The following ZNF527 variants were observed in gnomAD, a reference collection of about 807,000 sequenced individuals.
ZNF527 encodes zinc finger protein 527.
In ZNF527, 5 loss-of-function variants were observed where a neutral mutation model predicts 13.5. That is an observed-to-expected ratio of 0.37 (90% confidence interval 0.19 to 0.78). ZNF527 has a LOEUF of 0.78. ZNF527 is among the 30% of genes least tolerant of loss of function. The probability of loss-of-function intolerance (pLI) is 0.48; values close to 1 mark genes in which losing one functional copy is unlikely to be tolerated. For synonymous variants in ZNF527, 209 were observed against 243.1 expected (o/e 0.86, Z 1.30); for missense variants, 628 against 726.4 (o/e 0.86, Z 1.56).
At chr19:37,381,988 T>C (rs1382478752) in intron 4 of ZNF527, among the ~76,000 whole-genome samples, 3 of 152,206 alleles carry the variant, frequency 2.0e-5, no homozygotes, top group Non-Finnish European at 1.5e-5. Flanking sequence ...CAATGAATCA[T>C]TATGTTTCTC....
intron 4 of ZNF527, chr19:37,384,886 A>G: frequency 1.4e-6 from 1 of 700,230 alleles, no homozygotes; most frequent in East Asian, 2.7e-5. Flanking sequence ...TCTGTTGCCC[A>G]GGCTGGAGTG....
At position 37,390,276 on chromosome 19, in the gene ZNF527, G is replaced by A. The variant is rs1200135385; in HGVS notation, c.*397G>A. The A allele has an allele frequency of 1.2e-5, 2 of 172,874 alleles. No individual in the cohort carries two copies. Among genetic ancestry groups the A allele is most frequent in the African/African-American group, 2.4e-5 (1 of 41,576 alleles). 10.7% of individuals were successfully genotyped at this position (172,874 alleles called of 1,614,324 possible). On this transcript the variant is annotated 3_prime_UTR_variant, in exon 5 of 5. Coordinates refer to ENST00000436120, the MANE Select transcript of ZNF527 (RefSeq NM_032453.2). ...ACTCCTGACTTTAGGTGATCCACAC[G>A]CCTCAGACTCCCAAAGTGCTGGGAT...
chr19:37,377,023 T>C (rs1190507031), intron 2 of ZNF527, among the ~76,000 whole-genome samples: 1 of 152,170 alleles, frequency 6.6e-6, no homozygotes. Flanking sequence ...GTATTTCTGG[T>C]GGATAACACT....
chr19:37,374,079 C>T, intron 1 of ZNF527, 79 bp from the exon 2 acceptor site: 2 of 904,966 alleles, frequency 2.2e-6, no homozygotes, highest in Non-Finnish European at 3.6e-6. Context: ...AAGAAAGGGG[C>T]AGTAGTATTT....
At chr19:37,375,981 CAA>C (rs1410788482) in intron 2 of ZNF527, among the ~76,000 whole-genome samples, 1 of 152,158 alleles carries the variant, frequency 6.6e-6, no homozygotes, top group Non-Finnish European at 1.5e-5. Flanking sequence ...ATATTCTTGA[CAA>C]GAGCTACTTC....
chr19:37,375,082 G>A (rs1459956101), intron 2 of ZNF527, among the ~76,000 whole-genome samples: 1 of 152,110 alleles, frequency 6.6e-6, no homozygotes, highest in African/African-American at 2.4e-5. Context: ...TACATGAATG[G>A]GCATCCCATT....
intron 1 of ZNF527, 26 bp downstream of exon 1, chr19:37,371,252 G>C (rs2040553632): frequency 6.6e-6 from 1 of 152,520 alleles, no homozygotes; most frequent in Non-Finnish European, 1.5e-5. Context: ...CCCCGGGCGG[G>C]AGCGGGAAGT....
At chr19:37,386,952 G>A (rs762610032) in intron 4 of ZNF527, among the ~76,000 whole-genome samples, 26 of 148,260 alleles carry the variant, frequency 1.8e-4, no homozygotes, top group Non-Finnish European at 3.5e-4. Flanking sequence ...AAGGACAGGC[G>A]AACAAGGCCT....
Position 37,391,603 on chromosome 19 carries a change from A to G in ZNF527, c.*1724A>G, listed in dbSNP as rs899910893. ...AAAAAAAAAAAAAATAAATAAATAA[A>G]TAAATAAATAAATTTGGTTTAAGAA... On this transcript the variant is annotated 3_prime_UTR_variant, in exon 5 of 5. Transcript: ENST00000436120. 6.6e-6 allele frequency: 1 copy of G among 151,486 alleles called. No homozygotes were observed. The highest frequency in any genetic ancestry group is 1.5e-5 in the Non-Finnish European group (1 of 67,896). The allele number at this position is 151,486 out of a possible 1,614,324, so 9.4% of individuals were successfully genotyped here. A position where few individuals can be genotyped will look rare whatever the true frequency, so the allele number is the denominator to read the frequency against.
intron 4 of ZNF527, among the ~76,000 whole-genome samples, chr19:37,386,685 G>C (rs2040702750): frequency 6.6e-6 from 1 of 152,208 alleles, no homozygotes; most frequent in Non-Finnish European, 1.5e-5. Context: ...TGTAAAGATA[G>C]TGGTTGGAGC....
At position 37,388,332 on chromosome 19, in the gene ZNF527, G is replaced by T; in HGVS notation, c.283G>T (p.Glu95Ter). 1.2e-6 allele frequency: 2 copies of T among 1,613,464 alleles called. No individual in the cohort carries two copies. The highest frequency in any genetic ancestry group is 1.7e-6 in the Non-Finnish European group (2 of 1,179,632). Reference protein sequence around the residue: ...ADWESWCEIEELSPKWFIDED... With the variant: ...ADWESWCEIE ...CTGGGAGTCTTGGTGTGAAATTGAG[G>T]AATTATCTCCAAAATGGTTCATTGA... is the stretch of plus-strand genomic sequence containing the variant. Residue 95 changes from glutamate (E) to a stop codon, truncating the protein, a stop_gained, in exon 5 of 5, where the codon GAA (glutamate) becomes TAA (stop). Transcript: ENST00000436120. LOFTEE classifies it low-confidence loss of function (END_TRUNC).
chr19:37,388,868 C>T lies in ZNF527; in HGVS notation c.819C>T (p.Pro273=). 1 of 1,614,150 alleles carries T rather than the reference C, an allele frequency of 6.2e-7. No homozygotes were observed. The part of the protein sequence containing the change: ...QHQTTHFGKL[P]HGYDECGDAF... ...AGACCACTCATTTTGGAAAATTACC[C>T]CATGGATACGATGAATGTGGTGATG... is the stretch of plus-strand genomic sequence containing the variant. The change falls in exon 5 of 5, where the codon CCC becomes CCT. Residue 273 remains proline, a synonymous_variant. Coordinates refer to ENST00000436120, the MANE Select transcript of ZNF527 (RefSeq NM_032453.2).
chr19:37,374,208 G>T lies in ZNF527; in HGVS notation c.10G>T (p.Gly4Trp). The change falls in exon 2 of 5, where the codon GGG becomes TGG. Residue 4 changes from glycine (G) to tryptophan (W), a missense_variant. Transcript: ENST00000436120. MAV[G>W]LCKAMSQGLV... The stretch of plus-strand genomic sequence containing the variant: ...AACTGAAGAAGGAGGAATGGCTGTG[G>T]GGCTTTGTAAAGCCATGTCCCAGGT... The T allele has an allele frequency of 6.2e-7, 1 of 1,613,946 alleles. No individual in the cohort carries two copies. Among genetic ancestry groups the T allele is most frequent in the Non-Finnish European group, 8.5e-7 (1 of 1,179,958 alleles).
intron 2 of ZNF527, 140 bp from the exon 3 acceptor site, chr19:37,378,980 C>G: frequency 1.1e-6 from 1 of 885,318 alleles, no homozygotes; most frequent in African/African-American, 1.7e-5. Flanking sequence ...AAGTATTTGA[C>G]AAACCTCAGC....
chr19:37,376,039 G>C (rs961090200), intron 2 of ZNF527, among the ~76,000 whole-genome samples: 3 of 152,166 alleles, frequency 2.0e-5, no homozygotes, highest in Admixed American at 6.5e-5. Flanking sequence ...GTTTAAGAGA[G>C]AATGGAGGCC....
In ZNF527 at chr19:37,388,975, A is replaced by G. The variant is rs774260752; in HGVS notation, c.926A>G (p.Lys309Arg). 6.2e-7 allele frequency: 1 copy of G among 1,614,194 alleles called. No individual in the cohort carries two copies. Among genetic ancestry groups the G allele is most frequent in the East Asian group, 2.2e-5 (1 of 44,892 alleles). ...EKPYACNDCG[K>R]AFSHDFFLSE... is the part of the protein sequence containing the mutation. ...CCATATGCATGCAATGACTGTGGAA[A>G]AGCCTTTAGCCACGACTTCTTTCTC... Residue 309 changes from lysine (K) to arginine (R), a missense_variant, in exon 5 of 5, where the codon AAA becomes AGA. Physicochemically the swap from Lys to Arg is conservative, Grantham distance 26 (BLOSUM62 2). Transcript: ENST00000436120.
intron 2 of ZNF527, among the ~76,000 whole-genome samples, chr19:37,377,449 AG>A (rs2040617652): frequency 6.6e-6 from 1 of 152,092 alleles, no homozygotes; most frequent in South Asian, 2.1e-4. Flanking sequence ...TCAGGAGAGG[AG>A]GAGAGTGAAT....
At chr19:37,379,622 C>G (rs1416552001) in intron 3 of ZNF527, 1 of 156,658 alleles carries the variant, frequency 6.4e-6, no homozygotes, top group African/African-American at 2.4e-5. Context: ...ACCACCACAC[C>G]CAGCTAATTT....
Position 37,389,634 on chromosome 19 carries a change from A to G in ZNF527, c.1585A>G (p.Asn529Asp), listed in dbSNP as rs1209961467. ...TGCAGGAGAGAAACCCTATGAATGT[A>G]ACAAATGTGGAAAGGCCTTCAGTTG... is the stretch of plus-strand genomic sequence containing the variant. ...SHAGEKPYECNKCGKAFSCGS... is the reference protein window; with the variant it reads ...SHAGEKPYECDKCGKAFSCGS... Residue 529 changes from asparagine to aspartate, a missense_variant, in exon 5 of 5, where the codon AAC becomes GAC. Transcript: ENST00000436120. The G allele has an allele frequency of 1.2e-6, 2 of 1,614,180 alleles. No individual in the cohort carries two copies.
Sources: allele counts gnomAD v4.1 joint callset (sites outside exome capture counted in the v4.1 genomes callset), GRCh38; gene constraint gnomAD v4.1.1; transcripts MANE v1.5; gene names NCBI Gene and HGNC (gene_info 2026-07-23, HGNC 2026-07-21).